ESR1: variants seen among roughly 807,000 people sequenced by gnomAD.
ESR1 encodes the protein estrogen receptor.
A neutral mutation model predicts 52.7 loss-of-function variants in ESR1; 12 were observed. The ratio of observed to expected loss-of-function variants is 0.23; its 90% CI spans 0.15 to 0.37. The LOEUF (loss-of-function observed/expected upper bound fraction) is 0.37. Ranked by LOEUF, ESR1 falls within the 10% of genes least tolerant of loss-of-function variation. The probability of loss-of-function intolerance (pLI) is 1.00; values close to 1 mark genes in which losing one functional copy is unlikely to be tolerated. For synonymous variants in ESR1, 305 were observed against 316.8 expected (o/e 0.96, Z 0.39); for missense variants, 584 against 779.7 (o/e 0.75, Z 2.99).
chr6:152,126,425 G>C (rs1047744316), exon 7 of ESR1: 1 of 152,174 alleles, frequency 6.6e-6, no homozygotes, highest in Admixed American at 6.5e-5. Flanking sequence ...TTTCATAAGG[G>C]AAAGAACAAA....
chr6:152,010,801 A>G (rs1402704106), intron 4 of ESR1, among the ~76,000 whole-genome samples: 1 of 152,038 alleles, frequency 6.6e-6, no homozygotes, highest in Non-Finnish European at 1.5e-5. Context: ...TTCATAAATA[A>G]ATTGTGTACA....
chr6:151,979,133 T>C lies in ESR1; in HGVS notation c.1097-32523T>C, dbSNP rs553463711. On this transcript the variant is annotated intron_variant, in intron 4 of 7. Coordinates refer to ENST00000206249, the MANE Select transcript of ESR1 (RefSeq NM_000125.4). The stretch of plus-strand genomic sequence containing the variant: ...CTTCTTTCAAGGACACCAGTTAGAC[T>C]AGATTAGGGTCCACCTAATGACCTC... 2.5e-4 allele frequency among the ~76,000 whole-genome samples: 38 copies of C among 152,328 alleles called. No homozygotes were observed. In the South Asian group the frequency reaches 3.7e-3, roughly 15 times the overall value.
At chr6:151,661,697 C>T (rs908743071) in intron 1 of ESR1, among the ~76,000 whole-genome samples, 2 of 152,180 alleles carry the variant, frequency 1.3e-5, no homozygotes, top group African/African-American at 4.8e-5. Flanking sequence ...CCCACATGTC[C>T]AGGGAGCGAC....
intron 6 of ESR1, chr6:152,121,676 CACAG>C (rs985446224): frequency 3.9e-5 from 6 of 152,402 alleles, no homozygotes; most frequent in East Asian, 1.9e-4. Context: ...GAAAAAAAAG[CACAG>C]ACAAACTATT....
At chr6:151,660,319 T>C (rs1194226661) in intron 1 of ESR1, among the ~76,000 whole-genome samples, 1 of 152,210 alleles carries the variant, frequency 6.6e-6, no homozygotes, top group Non-Finnish European at 1.5e-5. Context: ...GTAAGTTCAG[T>C]ACAGTGGTTA....
In ESR1 at chr6:151,985,540, C is replaced by CA. The variant is rs556588370; in HGVS notation, c.1097-26104dup. On this transcript the variant is annotated intron_variant, in intron 4 of 7. Coordinates refer to ENST00000206249, the MANE Select transcript of ESR1 (RefSeq NM_000125.4). ...AAAAAAAAAAAAAAAAAAACACAAACAAAAAAAAAAAAGAAAAAGAAAATA... is the reference window on the plus strand; with the variant it reads ...AAAAAAAAAAAAAAAAAAACACAAACAAAAAAAAAAAAAGAAAAAGAAAATA... 1.0e-3 allele frequency among the ~76,000 whole-genome samples: 81 copies of CA among 81,114 alleles called. 4 individuals are homozygous for CA. The highest frequency in any genetic ancestry group is 7.5e-3 in the Middle Eastern group (1 of 134). The allele number at this position is 81,114 out of a possible 152,430, so 53.2% of individuals were successfully genotyped here.
intron 1 of ESR1, among the ~76,000 whole-genome samples, chr6:151,809,888 A>G (rs1460666996): frequency 3.3e-5 from 5 of 152,142 alleles, no homozygotes; most frequent in Non-Finnish European, 7.4e-5. Context: ...TTTAAATGGA[A>G]GAACAAAGTA....
chr6:152,013,029 G>A (rs546461181), intron 5 of ESR1, among the ~76,000 whole-genome samples: 9 of 152,176 alleles, frequency 5.9e-5, no homozygotes, highest in Non-Finnish European at 1.3e-4. Context: ...AGTTTAAGAA[G>A]CATATTTTGC....
At chr6:151,889,801 C>A (rs1562517029) in intron 3 of ESR1, among the ~76,000 whole-genome samples, 1 of 152,132 alleles carries the variant, frequency 6.6e-6, no homozygotes, top group African/African-American at 2.4e-5. Flanking sequence ...AAACTTCCCT[C>A]TTGAAAATAC....
intron 4 of ESR1, among the ~76,000 whole-genome samples, chr6:151,996,944 A>T (rs554969935): frequency 2.0e-5 from 3 of 152,246 alleles, no homozygotes; most frequent in East Asian, 1.9e-4. Context: ...AGGAGATTTG[A>T]GTGACAAACA....
intron 5 of ESR1, among the ~76,000 whole-genome samples, chr6:152,032,703 T>C (rs553363179): frequency 3.2e-4 from 48 of 152,240 alleles, no homozygotes; most frequent in African/African-American, 1.1e-3. Flanking sequence ...ATCATGAAAA[T>C]GGCCATACTG....
rs1173541334 is a variant in ESR1 at position 151,807,769 on chromosome 6, C to T, written c.-144C>T. On this transcript the variant is annotated 5_prime_UTR_variant, in exon 1 of 8. Coordinates refer to ENST00000206249, the MANE Select transcript of ESR1 (RefSeq NM_000125.4). ...GGACCCGCAGGCTCCCGGGGCAGGG[C>T]CGGGGCCAGAGCTCGCGTGTCGGCG... is the stretch of plus-strand genomic sequence containing the variant. The T allele has an allele frequency of 1.2e-6, 1 of 826,216 alleles. No individual in the cohort carries two copies. Among genetic ancestry groups the T allele is most frequent in the East Asian group, 2.7e-5 (1 of 37,712 alleles). The allele number at this position is 826,216 out of a possible 1,614,324, so 51.2% of individuals were successfully genotyped here. A position where few individuals can be genotyped will look rare whatever the true frequency, so the allele number is the denominator to read the frequency against.
intron 1 of ESR1, among the ~76,000 whole-genome samples, chr6:151,835,648 G>C (rs1783207209): frequency 6.6e-6 from 1 of 152,220 alleles, no homozygotes; most frequent in Non-Finnish European, 1.5e-5. Flanking sequence ...AATGTGTGTA[G>C]GTGACAGGAA....
At chr6:151,771,549 C>G (rs542108324) in intron 2 of ESR1, among the ~76,000 whole-genome samples, 1 of 151,992 alleles carries the variant, frequency 6.6e-6, no homozygotes, top group Non-Finnish European at 1.5e-5. Context: ...TGTATTTTTT[C>G]AAAAGAAACA....
chr6:152,118,976 A>G (rs1298933780), intron 6 of ESR1, among the ~76,000 whole-genome samples: 3 of 152,010 alleles, frequency 2.0e-5, no homozygotes, highest in Non-Finnish European at 2.9e-5. Context: ...TTTCTCCACA[A>G]TCCCCTGTGA....
chr6:151,917,567 T>C (rs978629266), intron 3 of ESR1, among the ~76,000 whole-genome samples: 1 of 152,208 alleles, frequency 6.6e-6, no homozygotes, highest in African/African-American at 2.4e-5. Flanking sequence ...AGAACACATG[T>C]GGATGCTACT....
At chr6:151,913,006 T>G (rs1354622898) in intron 3 of ESR1, among the ~76,000 whole-genome samples, 1 of 151,852 alleles carries the variant, frequency 6.6e-6, no homozygotes, top group Non-Finnish European at 1.5e-5. Flanking sequence ...TTGATAGGTG[T>G]AGCAAACCAC....
chr6:151,731,514 A>T, intron 2 of ESR1, among the ~76,000 whole-genome samples: 1 of 152,026 alleles, frequency 6.6e-6, no homozygotes. Flanking sequence ...GTCACAAGAG[A>T]GACGGTTAGA....
At chr6:151,827,949 G>T (rs1213440155) in intron 1 of ESR1, among the ~76,000 whole-genome samples, 1 of 152,170 alleles carries the variant, frequency 6.6e-6, no homozygotes, top group Non-Finnish European at 1.5e-5. Context: ...TCTCCAGCTA[G>T]AGAAAATGCT....
Sources: gnomAD v4.1 joint callset for allele counts (sites outside exome capture counted in the v4.1 genomes callset) on GRCh38, gnomAD v4.1.1 for gene constraint, MANE v1.5 for transcripts, NCBI Gene and HGNC (gene_info 2026-07-23, HGNC 2026-07-21) for gene names.